Variants in ZNF277 observed in about 807,000 individuals in gnomAD.
The protein encoded by ZNF277 is zinc finger protein 277.
ZNF277 carries 55 observed loss-of-function variants against 60.7 expected under a neutral mutation model. The ratio of observed to expected loss-of-function variants is 0.91; its 90% CI spans 0.73 to 1.13. ZNF277 has a LOEUF of 1.13. Among genes scored for constraint, ZNF277 ranks in the 50% most tolerant of loss-of-function variants. The probability of loss-of-function intolerance (pLI) is 0.00; values close to 1 mark genes in which losing one functional copy is unlikely to be tolerated. For synonymous variants in ZNF277, 178 were observed against 179.3 expected (o/e 0.99, Z 0.06); for missense variants, 510 against 523.0 (o/e 0.98, Z 0.24).
chr7:112,236,555 A>G (rs1259547085), intron 1 of ZNF277, among the ~76,000 whole-genome samples: 1 of 152,060 alleles, frequency 6.6e-6, no homozygotes, highest in Non-Finnish European at 1.5e-5. Context: ...AAATGTCCTC[A>G]TTAGTTAGTA....
chr7:112,263,151 G>A (rs942944931), intron 1 of ZNF277, among the ~76,000 whole-genome samples: 2 of 152,206 alleles, frequency 1.3e-5, no homozygotes, highest in African/African-American at 4.8e-5. Flanking sequence ...TTGTTGGACA[G>A]TGGAGATACG....
rs559349942 is a variant in ZNF277, at chr7:112,278,898, C to T, written c.92-7975C>T. On this transcript the variant is annotated intron_variant, in intron 1 of 11. Coordinates refer to ENST00000361822, the MANE Select transcript of ZNF277 (RefSeq NM_021994.3). ...CCATACTCATTAAACAGTAATTCCC[C>T]TTTTCCCCACTTTCCCCAGCCCTGG... 6.2e-4 allele frequency among the ~76,000 whole-genome samples: 94 copies of T among 152,234 alleles called. 2 individuals carry two copies. Among genetic ancestry groups the T allele is most frequent in the African/African-American group, 2.2e-3 (91 of 41,548 alleles).
In ZNF277 at chr7:112,206,734, C is replaced by T. The variant is rs201205159; in HGVS notation, c.18C>T (p.Thr6=). 21 of 1,613,284 alleles carry T rather than the reference C, an allele frequency of 1.3e-5. No homozygotes were observed. The highest frequency in any genetic ancestry group is 1.8e-5 in the Non-Finnish European group (21 of 1,179,686). The change falls in exon 1 of 12, where the codon ACC becomes ACT. Residue 6 remains threonine, a synonymous_variant. Transcript: ENST00000361822. The stretch of plus-strand genomic sequence containing the variant: ...GCCGGGTAATGGCTGCTTCCAAGAC[C>T]CAGGGGGCTGTCGCCCGAATGCAGG... MAASK[T]QGAVARMQED...
At chr7:112,210,562 C>T (rs1229547741) in intron 1 of ZNF277, among the ~76,000 whole-genome samples, 1 of 151,326 alleles carries the variant, frequency 6.6e-6, no homozygotes, top group African/African-American at 2.4e-5. Flanking sequence ...ACCTCCGCCT[C>T]CCGGGTTCAA....
At chr7:112,229,272 C>G (rs1265879200) in intron 1 of ZNF277, among the ~76,000 whole-genome samples, 1 of 152,054 alleles carries the variant, frequency 6.6e-6, no homozygotes, top group Non-Finnish European at 1.5e-5. Flanking sequence ...TGAGAGAGAC[C>G]AGAGGACCAG....
chr7:112,338,051 G>A (rs1385554058), intron 9 of ZNF277, among the ~76,000 whole-genome samples: 1 of 152,202 alleles, frequency 6.6e-6, no homozygotes, highest in Admixed American at 6.5e-5. Flanking sequence ...GACCACTGAT[G>A]CCATCTCACC....
At chr7:112,293,192 C>T (rs968286707) in intron 2 of ZNF277, among the ~76,000 whole-genome samples, 1 of 152,132 alleles carries the variant, frequency 6.6e-6, no homozygotes, top group African/African-American at 2.4e-5. Flanking sequence ...AACTATGATA[C>T]TTTGACCACT....
intron 9 of ZNF277, among the ~76,000 whole-genome samples, chr7:112,338,451 T>A (rs1284076659): frequency 6.6e-6 from 1 of 152,166 alleles, no homozygotes; most frequent in Non-Finnish European, 1.5e-5. Context: ...GAACATGTAA[T>A]GATTCATGAT....
At chr7:112,299,042 A>G (rs1169563743) in intron 4 of ZNF277, among the ~76,000 whole-genome samples, 1 of 152,118 alleles carries the variant, frequency 6.6e-6, no homozygotes, top group Non-Finnish European at 1.5e-5. Context: ...AAGCAGAGGC[A>G]GTTTACAATA....
In ZNF277 at chr7:112,275,713, G is replaced by A. The variant is rs142493373; in HGVS notation, c.92-11160G>A. On this transcript the variant is annotated intron_variant, in intron 1 of 11. Coordinates refer to ENST00000361822, the MANE Select transcript of ZNF277 (RefSeq NM_021994.3). The stretch of plus-strand genomic sequence containing the variant: ...TATTTCAAAAAGCTGCTTCCACATC[G>A]TTGTTACTGTTGCATTATTAACGTA... 4.3e-3 allele frequency among the ~76,000 whole-genome samples: 658 copies of A among 151,990 alleles called. 3 individuals are homozygous for A. Among genetic ancestry groups the A allele is most frequent in the Non-Finnish European group, 7.0e-3 (479 of 67,980 alleles).
intron 4 of ZNF277, among the ~76,000 whole-genome samples, chr7:112,297,544 G>A (rs1328227669): frequency 1.3e-5 from 2 of 152,146 alleles, no homozygotes; most frequent in African/African-American, 4.8e-5. Flanking sequence ...CATCCCAAAT[G>A]ATTATTTCTT....
chr7:112,311,400 A>G (rs530047059), intron 4 of ZNF277, among the ~76,000 whole-genome samples: 6 of 152,282 alleles, frequency 3.9e-5, no homozygotes, highest in African/African-American at 1.4e-4. Flanking sequence ...TAATGAAAAT[A>G]TTAACTGATT....
intron 1 of ZNF277, among the ~76,000 whole-genome samples, chr7:112,217,451 T>C (rs1821915281): frequency 6.6e-6 from 1 of 152,198 alleles, no homozygotes; most frequent in Non-Finnish European, 1.5e-5. Context: ...TCTCAGATCT[T>C]AGAACTTGAT....
intron 1 of ZNF277, among the ~76,000 whole-genome samples, chr7:112,219,754 G>A (rs1587084882): frequency 6.6e-6 from 1 of 152,146 alleles, no homozygotes; most frequent in South Asian, 2.1e-4. Flanking sequence ...TCCCACCTCA[G>A]CCTCCTGAGT....
At chr7:112,271,288 G>T (rs1252586858) in intron 1 of ZNF277, among the ~76,000 whole-genome samples, 1 of 151,940 alleles carries the variant, frequency 6.6e-6, no homozygotes, top group Non-Finnish European at 1.5e-5. Context: ...CAAAATGCTA[G>T]GAATAAAATC....
At chr7:112,304,557 T>C (rs1391236954) in intron 4 of ZNF277, among the ~76,000 whole-genome samples, 1 of 152,176 alleles carries the variant, frequency 6.6e-6, no homozygotes. Flanking sequence ...TTTTACTTTA[T>C]TAACCAAACT....
rs1164257465 is a variant in ZNF277 at position 112,336,179 on chromosome 7, T to C, written c.869+8T>C. 2 of 1,604,194 alleles carry C rather than the reference T, an allele frequency of 1.2e-6. No individual in the cohort carries two copies. Among genetic ancestry groups the C allele is most frequent in the African/African-American group, 1.3e-5 (1 of 74,444 alleles). Reference sequence around the variant, plus strand: ...GCTGGACCATCAGGAAGAGTAAGAGTTGTTATTGCTGCTAATTAATTGCAG... The same window carrying C: ...GCTGGACCATCAGGAAGAGTAAGAGCTGTTATTGCTGCTAATTAATTGCAG... On this transcript the variant is annotated splice_region_variant and intron_variant, in intron 8 of 11. Transcript: ENST00000361822.
At chr7:112,337,597 C>T (rs778719482) in intron 8 of ZNF277, 133 bp from the exon 9 acceptor site, 1 of 621,962 alleles carries the variant, frequency 1.6e-6, no homozygotes, top group Non-Finnish European at 2.7e-6. Flanking sequence ...ATGTGACAGT[C>T]TTTACCAAAA....
At chr7:112,219,765 A>G (rs1273146365) in intron 1 of ZNF277, among the ~76,000 whole-genome samples, 3 of 152,148 alleles carry the variant, frequency 2.0e-5, no homozygotes, top group Non-Finnish European at 1.5e-5. Flanking sequence ...CCTCCTGAGT[A>G]GCTGGGATTA....
Sources: allele counts gnomAD v4.1 joint callset (sites outside exome capture counted in the v4.1 genomes callset), GRCh38; gene constraint gnomAD v4.1.1; transcripts MANE v1.5; gene names NCBI Gene and HGNC (gene_info 2026-07-23, HGNC 2026-07-21).